Variants in MICAL2 observed in about 807,000 individuals in gnomAD.
MICAL2 encodes the protein microtubule associated monooxygenase, calponin and LIM domain containing 2, also known as [F-actin]-monooxygenase MICAL2.
MICAL2 carries 77 observed loss-of-function variants against 127.3 expected under a neutral mutation model. The ratio of observed to expected loss-of-function variants is 0.60; its 90% CI spans 0.50 to 0.73. The LOEUF (loss-of-function observed/expected upper bound fraction) is 0.73. Among genes scored for constraint, MICAL2 ranks in the 30% least tolerant of loss-of-function variants. The pLI is 0.00. For missense variants in MICAL2, 1,351 were observed against 1,434.4 expected, an observed-to-expected ratio of 0.94 and a Z score of 0.94; for synonymous variants, 570 against 551.1, an observed-to-expected ratio of 1.03 and a Z score of -0.48.
chr11:12,230,612 A>G (rs139391661), intron 15 of MICAL2, among the ~76,000 whole-genome samples: 34 of 152,252 alleles, frequency 2.2e-4, no homozygotes, highest in African/African-American at 8.2e-4. Flanking sequence ...ACATTTATTT[A>G]CAATGTGGCA....
intron 32 of MICAL2, among the ~76,000 whole-genome samples, chr11:12,333,059 A>C (rs1590741599): frequency 6.6e-6 from 1 of 152,316 alleles, no homozygotes; most frequent in East Asian, 1.9e-4. Context: ...CCAAATATTG[A>C]ACAAACGTAT....
chr11:12,361,624 A>G (rs1939206047), downstream of MICAL2, among the ~76,000 whole-genome samples: 1 of 152,224 alleles, frequency 6.6e-6, no homozygotes, highest in South Asian at 2.1e-4. Flanking sequence ...CTTGGAATCA[A>G]TCAATGCCAA....
chr11:12,332,965 T>C (rs941420136), intron 32 of MICAL2, among the ~76,000 whole-genome samples: 3 of 152,168 alleles, frequency 2.0e-5, no homozygotes, highest in African/African-American at 4.8e-5. Context: ...ACTCAACAAA[T>C]ACCGACAGTC....
At chr11:12,269,219 G>A (rs528487254) in intron 24 of MICAL2, among the ~76,000 whole-genome samples, 1 of 152,258 alleles carries the variant, frequency 6.6e-6, no homozygotes, top group African/African-American at 2.4e-5. Context: ...TGGGCCCCAG[G>A]CTACTTCCCT....
chr11:12,236,461 G>T (rs1294886868), intron 16 of MICAL2, among the ~76,000 whole-genome samples: 1 of 152,226 alleles, frequency 6.6e-6, no homozygotes, highest in African/African-American at 2.4e-5. Context: ...CTCCCAGGAT[G>T]TGGTTCATGT....
At chr11:12,350,001 C>T in intron 33 of MICAL2, 4 of 1,333,656 alleles carry the variant, frequency 3.0e-6, no homozygotes, top group Non-Finnish European at 4.3e-6. Flanking sequence ...GGGTGGCTTA[C>T]CCTCCTAGGC....
Position 12,239,532 on chromosome 11 carries a change from C to T in MICAL2, c.2161C>T (p.Gln721Ter). 1 of 1,614,238 alleles carries T rather than the reference C, an allele frequency of 6.2e-7. No homozygotes were observed. The highest frequency in any genetic ancestry group is 8.5e-7 in the Non-Finnish European group (1 of 1,180,052). Residue 721 changes from glutamine to a stop codon, truncating the protein, a stop_gained, in exon 17 of 28, where the codon CAG becomes TAG. Transcript: ENST00000683283. LOFTEE classifies it high-confidence loss of function. ...NQNKVKSMANQLLAKFEESTR... is the reference protein window; with the variant it reads ...NQNKVKSMAN ...GAACAAAGTCAAGTCCATGGCGAAT[C>T]AGCTGCTGGCCAAGTTTGAGGAGAG...
intron 29 of MICAL2, among the ~76,000 whole-genome samples, chr11:12,305,871 A>T (rs1864104016): frequency 6.6e-6 from 1 of 152,190 alleles, no homozygotes; most frequent in African/African-American, 2.4e-5. Context: ...GGGGTTTTTT[A>T]AATGCGGATT....
At chr11:12,260,902 A>G (rs1863029148) in intron 26 of MICAL2, 6 of 985,354 alleles carry the variant, frequency 6.1e-6, no homozygotes, top group East Asian at 1.1e-4. Context: ...TTCTACAAAC[A>G]TGCATTTTCC....
chr11:12,220,791 T>G (rs913464310), intron 9 of MICAL2, among the ~76,000 whole-genome samples: 1 of 152,242 alleles, frequency 6.6e-6, no homozygotes, highest in Admixed American at 6.5e-5. Context: ...GGGCCGAGAC[T>G]TCTTCCTCAT....
intron 29 of MICAL2, among the ~76,000 whole-genome samples, chr11:12,304,206 CTTA>C (rs1196998994): frequency 3.9e-5 from 6 of 151,998 alleles, no homozygotes; most frequent in Admixed American, 6.6e-5. Context: ...TTACAGAAGC[CTTA>C]TTATTTTTCC....
chr11:12,239,557 G>A lies in MICAL2; in HGVS notation c.2186G>A (p.Ser729Asn), dbSNP rs1490271231. 2 of 1,614,200 alleles carry A rather than the reference G, an allele frequency of 1.2e-6. No individual in the cohort carries two copies. The highest frequency in any genetic ancestry group is 3.3e-5 in the Admixed American group (2 of 60,024). ...ANQLLAKFEE[S>N]TRNPSLMKQE... ...CAGCTGCTGGCCAAGTTTGAGGAGA[G>A]CACTCGGAACCCCTCACTCATGAAG... The change falls in exon 17 of 28, where the codon AGC becomes AAC. Residue 729 changes from serine to asparagine, a missense_variant. This residue lies in a region of MICAL2 where 752 missense variants were observed against 719.4 expected (regional missense o/e 1.05). Transcript: ENST00000683283.
intron 1 of MICAL2, among the ~76,000 whole-genome samples, chr11:12,136,797 C>G (rs1388729323): frequency 6.6e-6 from 1 of 152,128 alleles, no homozygotes; most frequent in Non-Finnish European, 1.5e-5. Context: ...AGTGGTCAGC[C>G]CTTGTAGCCT....
At chr11:12,324,803 C>A (rs867084063) in intron 31 of MICAL2, among the ~76,000 whole-genome samples, 7 of 152,210 alleles carry the variant, frequency 4.6e-5, no homozygotes, top group South Asian at 4.1e-4. Flanking sequence ...ATTCAATCCA[C>A]CCTCCTTTAC....
intron 8 of MICAL2, among the ~76,000 whole-genome samples, chr11:12,218,158 C>T (rs1006035651): frequency 6.6e-6 from 1 of 152,170 alleles, no homozygotes; most frequent in Admixed American, 6.5e-5. Context: ...CCATGGCTAC[C>T]GAAGGAAGAG....
intron 15 of MICAL2, among the ~76,000 whole-genome samples, chr11:12,229,352 C>T (rs958005908): frequency 5.3e-5 from 8 of 152,198 alleles, no homozygotes; most frequent in Middle Eastern, 3.2e-3. Context: ...CACTCTGAGC[C>T]GGCCCAACCT....
Position 12,110,688 on chromosome 11 carries a change from C to G in MICAL2, c.-187C>G, listed in dbSNP as rs1460119554. 1 of 151,056 alleles carries G rather than the reference C, an allele frequency of 6.6e-6. No homozygotes were observed. Among genetic ancestry groups the G allele is most frequent in the Non-Finnish European group, 1.5e-5 (1 of 67,754 alleles). 9.4% of individuals were successfully genotyped at this position (151,056 alleles called of 1,614,324 possible). A position where few individuals can be genotyped will look rare whatever the true frequency, so the allele number is the denominator to read the frequency against. On this transcript the variant is annotated 5_prime_UTR_variant, in exon 1 of 28. Transcript: ENST00000683283. This position sits in a 1 kb window ranked among gnomAD's most constrained non-coding sequence, Gnocchi z 4.5. ...GCTGCGCCCGCGGCCAGGGCCGAGGCAGGCCTGACCCGGGGCCGGGCAGCC... is the reference window on the plus strand; with the variant it reads ...GCTGCGCCCGCGGCCAGGGCCGAGGGAGGCCTGACCCGGGGCCGGGCAGCC...
intron 31 of MICAL2, among the ~76,000 whole-genome samples, chr11:12,326,100 C>T (rs1241457978): frequency 6.6e-6 from 1 of 152,184 alleles, no homozygotes; most frequent in Non-Finnish European, 1.5e-5. Flanking sequence ...GCTTGGGTCC[C>T]TTTCCAGGAT....
chr11:12,355,313 C>CACT (rs1488029273), intron 34 of MICAL2, among the ~76,000 whole-genome samples: 1 of 152,094 alleles, frequency 6.6e-6, no homozygotes, highest in African/African-American at 2.4e-5. Flanking sequence ...TGCTGCCAGG[C>CACT]ACTAGAGCTA....
Sources: gnomAD v4.1 joint callset for allele counts (sites outside exome capture counted in the v4.1 genomes callset) on GRCh38, gnomAD v4.1.1 for gene constraint, gnomAD v4.1.1 regional missense constraint, Gnocchi (gnomAD v3.1) non-coding constraint, MANE v1.5 for transcripts, NCBI Gene and HGNC (gene_info 2026-07-23, HGNC 2026-07-21) for gene names.